NRF1: variants seen among roughly 807,000 people sequenced by gnomAD.
The protein encoded by NRF1 is alpha palindromic-binding protein.
Under a neutral mutation model 58.5 loss-of-function variants are expected in NRF1, and 5 were observed. That is an observed-to-expected ratio of 0.09 (90% confidence interval 0.04 to 0.18). The LOEUF (loss-of-function observed/expected upper bound fraction) is 0.18. Among genes scored for constraint, NRF1 ranks in the 10% least tolerant of loss-of-function variants. NRF1 has a pLI of 1.00. For synonymous variants in NRF1, 224 were observed against 246.7 expected, an observed-to-expected ratio of 0.91 and a Z score of 0.86; for missense variants, 288 against 657.7, an observed-to-expected ratio of 0.44 and a Z score of 6.15.
At chr7:129,625,964 G>A (rs1339813632) in intron 1 of NRF1, among the ~76,000 whole-genome samples, 1 of 152,084 alleles carries the variant, frequency 6.6e-6, no homozygotes, top group Non-Finnish European at 1.5e-5. Flanking sequence ...TTACAAGCAT[G>A]AGCCACCACA....
At chr7:129,734,446 T>C (rs1186031443) in intron 10 of NRF1, among the ~76,000 whole-genome samples, 1 of 152,170 alleles carries the variant, frequency 6.6e-6, no homozygotes, top group Non-Finnish European at 1.5e-5. Context: ...GTTGAACAAA[T>C]AAATTTGGAA....
chr7:129,623,830 TAAGATC>T (rs1331518917), intron 1 of NRF1, among the ~76,000 whole-genome samples: 3 of 152,330 alleles, frequency 2.0e-5, no homozygotes, highest in Admixed American at 6.5e-5. Flanking sequence ...TTTGAAAGAT[TAAGATC>T]TTTTCCAAAA....
intron 10 of NRF1, among the ~76,000 whole-genome samples, chr7:129,748,146 G>A (rs1016060104): frequency 3.3e-5 from 5 of 151,614 alleles, no homozygotes; most frequent in East Asian, 1.9e-4. Context: ...GTGGTGGTGC[G>A]CGCCTGTAAT....
chr7:129,739,260 G>A (rs749757132), intron 10 of NRF1, among the ~76,000 whole-genome samples: 3 of 152,156 alleles, frequency 2.0e-5, no homozygotes, highest in East Asian at 1.9e-4. Flanking sequence ...AGCCACATAC[G>A]CCCTGAGATA....
chr7:129,645,245 A>G (rs1801379286), intron 1 of NRF1, among the ~76,000 whole-genome samples: 2 of 152,322 alleles, frequency 1.3e-5, no homozygotes, highest in African/African-American at 2.4e-5. Flanking sequence ...TTCATTTGAC[A>G]GATGTTACAA....
chr7:129,612,580 T>G (rs1273811607), intron 1 of NRF1, among the ~76,000 whole-genome samples: 5 of 152,148 alleles, frequency 3.3e-5, no homozygotes, highest in Non-Finnish European at 5.9e-5. Context: ...CCAGCTGAGA[T>G]GTGCCCGCGG....
chr7:129,732,268 C>A (rs1461268456), intron 10 of NRF1, among the ~76,000 whole-genome samples: 1 of 152,246 alleles, frequency 6.6e-6, no homozygotes, highest in Non-Finnish European at 1.5e-5. Context: ...CAGAAACACT[C>A]TTCTGTCTGA....
chr7:129,620,042 G>C (rs1165775228), intron 1 of NRF1, among the ~76,000 whole-genome samples: 1 of 152,134 alleles, frequency 6.6e-6, no homozygotes, highest in East Asian at 1.9e-4. Context: ...TTGACACACA[G>C]AAAAGTCAAG....
intron 1 of NRF1, among the ~76,000 whole-genome samples, chr7:129,643,263 T>A (rs1485875711): frequency 6.6e-6 from 1 of 152,156 alleles, no homozygotes; most frequent in Non-Finnish European, 1.5e-5. Context: ...AACTGGCTGT[T>A]GGTTGTGTAG....
intron 9 of NRF1, among the ~76,000 whole-genome samples, chr7:129,724,562 C>G (rs1803407127): frequency 2.0e-5 from 3 of 152,198 alleles, no homozygotes; most frequent in South Asian, 4.1e-4. Context: ...AGCAGGATCT[C>G]AGAGAAATAT....
intron 9 of NRF1, among the ~76,000 whole-genome samples, chr7:129,719,403 A>G (rs1803264579): frequency 6.6e-6 from 1 of 152,146 alleles, no homozygotes; most frequent in African/African-American, 2.4e-5. Context: ...AAGTGCTGGG[A>G]TTACAGGCGT....
At chr7:129,649,807 G>A (rs1212600242) in intron 1 of NRF1, among the ~76,000 whole-genome samples, 3 of 152,096 alleles carry the variant, frequency 2.0e-5, no homozygotes. Flanking sequence ...ACACAGGAGT[G>A]CAGTGGTGCG....
At chr7:129,728,934 G>A (rs184559871) in intron 10 of NRF1, among the ~76,000 whole-genome samples, 30 of 152,272 alleles carry the variant, frequency 2.0e-4, no homozygotes, top group Admixed American at 5.2e-4. Context: ...GACCATGGTT[G>A]GAATTAAGGA....
chr7:129,673,668 G>T (rs1217031424), intron 3 of NRF1, among the ~76,000 whole-genome samples: 3 of 132,628 alleles, frequency 2.3e-5, no homozygotes, highest in Non-Finnish European at 3.1e-5. Flanking sequence ...AGTGAGCGGA[G>T]ATCGCGCCAC....
chr7:129,624,756 C>T (rs1051593680), intron 1 of NRF1, among the ~76,000 whole-genome samples: 3 of 152,114 alleles, frequency 2.0e-5, no homozygotes, highest in Non-Finnish European at 2.9e-5. Flanking sequence ...CTGAAGGGAT[C>T]CTCCTGCCTC....
intron 1 of NRF1, among the ~76,000 whole-genome samples, chr7:129,646,150 A>T (rs1478601984): frequency 6.6e-6 from 1 of 152,188 alleles, no homozygotes; most frequent in Non-Finnish European, 1.5e-5. Flanking sequence ...GGCCTGTGAG[A>T]CATTTTATAC....
intron 10 of NRF1, among the ~76,000 whole-genome samples, chr7:129,745,728 C>A (rs900712676): frequency 6.6e-6 from 1 of 152,150 alleles, no homozygotes; most frequent in Admixed American, 6.5e-5. Flanking sequence ...GATAATAAAC[C>A]ATGGTGGTTC....
intron 1 of NRF1, among the ~76,000 whole-genome samples, chr7:129,648,274 C>CTTTTTTTT (rs35513653): frequency 1.0e-5 from 1 of 97,044 alleles, no homozygotes; most frequent in Admixed American, 1.2e-4. Context: ...GCATTATTGA[C>CTTTTTTTT]TTTTTTTTTT....
chr7:129,632,698 GTTT>G (rs1258464731), intron 1 of NRF1, among the ~76,000 whole-genome samples: 2 of 151,844 alleles, frequency 1.3e-5, no homozygotes, highest in African/African-American at 4.8e-5. Flanking sequence ...TGTTTTATAT[GTTT>G]TTAAGCTTTG....
Sources: allele counts gnomAD v4.1 joint callset (sites outside exome capture counted in the v4.1 genomes callset), GRCh38; gene constraint gnomAD v4.1.1; transcripts MANE v1.5; gene names NCBI Gene and HGNC (gene_info 2026-07-23, HGNC 2026-07-21).